Variants in PTPRD observed in about 807,000 individuals in gnomAD.
The protein encoded by PTPRD is protein tyrosine phosphatase receptor type D, also known as receptor-type tyrosine-protein phosphatase delta.
Under a neutral mutation model 214.5 loss-of-function variants are expected in PTPRD, and 34 were observed. That is an observed-to-expected ratio of 0.16 (90% confidence interval 0.12 to 0.21). The LOEUF is 0.21. Among genes scored for constraint, PTPRD ranks in the 10% least tolerant of loss-of-function variants. The probability of loss-of-function intolerance (pLI) is 1.00; values close to 1 mark genes in which losing one functional copy is unlikely to be tolerated. For missense variants in PTPRD, 2,545 were observed against 2,398.7 expected (o/e 1.06, Z -1.27); for synonymous variants, 1,128 against 845.7 (o/e 1.33, Z -5.79).
At chr9:9,471,444 T>G (rs1200159941) in intron 8 of PTPRD, among the ~76,000 whole-genome samples, 2 of 152,132 alleles carry the variant, frequency 1.3e-5, no homozygotes, top group Non-Finnish European at 2.9e-5. Flanking sequence ...AAATAATAAA[T>G]CAAATTGTTG....
intron 5 of PTPRD, among the ~76,000 whole-genome samples, chr9:9,882,616 A>C (rs186319020): frequency 1.5e-3 from 234 of 152,324 alleles, no homozygotes; most frequent in African/African-American, 5.5e-3. Context: ...AGAATTATCT[A>C]TAAGCCCACT....
chr9:8,744,362 G>C (rs1197085973), intron 11 of PTPRD, among the ~76,000 whole-genome samples: 1 of 152,130 alleles, frequency 6.6e-6, no homozygotes, highest in African/African-American at 2.4e-5. Flanking sequence ...GTATACAGCA[G>C]CACAATTTGC....
intron 8 of PTPRD, among the ~76,000 whole-genome samples, chr9:9,562,803 C>T (rs2154293658): frequency 6.6e-6 from 1 of 152,254 alleles, no homozygotes; most frequent in South Asian, 2.1e-4. Flanking sequence ...CTCCTATTTC[C>T]TTTCAACCTG....
chr9:8,577,119 C>G (rs946595191), intron 14 of PTPRD, among the ~76,000 whole-genome samples: 1 of 152,164 alleles, frequency 6.6e-6, no homozygotes. Flanking sequence ...TTTTTCCACT[C>G]TCCCCACCAT....
At chr9:8,636,585 A>G in intron 13 of PTPRD, 114 bp downstream of exon 13, 2 of 1,297,736 alleles carry the variant, frequency 1.5e-6, no homozygotes, top group Non-Finnish European at 2.1e-6. Context: ...CAATGTAAGG[A>G]ATACCATATA....
In PTPRD at chr9:10,271,540, TTTTCTTTTC is replaced by T. The variant is rs1470366183; in HGVS notation, c.-545+69414_-545+69422del. Among the ~76,000 whole-genome samples, 7 of 37,218 alleles carry T rather than the reference TTTTCTTTTC, an allele frequency of 1.9e-4. 1 individual carries two copies. Among genetic ancestry groups the T allele is most frequent in the Middle Eastern group, 0.014 (1 of 72 alleles). The allele number at this position is 37,218 out of a possible 152,430, so 24.4% of individuals were successfully genotyped here. A position where few individuals can be genotyped will look rare whatever the true frequency, so the allele number is the denominator to read the frequency against. On this transcript the variant is annotated intron_variant, in intron 3 of 45. Transcript: ENST00000381196. ...CTGATAAATTCAATTGTTTCTTTTC[TTTTCTTTTC>T]TTTTTTTTTTTGAGACGGAATCTTG...
At chr9:10,606,521 C>A (rs546770839) in intron 2 of PTPRD, among the ~76,000 whole-genome samples, 1 of 143,470 alleles carries the variant, frequency 7.0e-6, no homozygotes, top group South Asian at 2.3e-4. Flanking sequence ...TCCATTACTT[C>A]TTCTTTATTT....
At position 8,436,650 on chromosome 9, in the gene PTPRD, G is replaced by C. The variant is rs868210901; in HGVS notation, c.4028C>G (p.Ala1343Gly). 1 of 1,613,478 alleles carries C rather than the reference G, an allele frequency of 6.2e-7. No individual in the cohort carries two copies. The highest frequency in any genetic ancestry group is 1.7e-5 in the Admixed American group (1 of 60,020). Residue 1343 changes from alanine (A) to glycine (G), a missense_variant, in exon 35 of 46, where the codon GCA (alanine) becomes GGA (glycine). Transcript: ENST00000381196. ...SHPPIPILEL[A>G]DHIERLKAND... ...TGCTTTCAATCTTTCAATGTGGTCT[G>C]CAAGTTCCAAGATGGGTATTGGAGG...
chr9:8,673,536 A>C (rs937310108), intron 12 of PTPRD, among the ~76,000 whole-genome samples: 1 of 152,210 alleles, frequency 6.6e-6, no homozygotes, highest in Non-Finnish European at 1.5e-5. Context: ...AGCCTTCCAG[A>C]TAACAGACAG....
chr9:9,594,239 A>G lies in PTPRD; in HGVS notation c.-286-19458T>C, dbSNP rs562685119. On this transcript the variant is annotated intron_variant, in intron 7 of 45. Coordinates refer to ENST00000381196, the MANE Select transcript of PTPRD (RefSeq NM_002839.4). ...TATCTTTCCTAAGATACACATGCCA[A>G]TTCTATAGATGGGCTATATAATGGA... Among the ~76,000 whole-genome samples the G allele has an allele frequency of 4.6e-5, 7 of 152,180 alleles. No individual in the cohort carries two copies. The East Asian group carries it at 1.4e-3, about 30-fold the overall frequency.
chr9:9,009,305 G>A (rs557536628), intron 11 of PTPRD, among the ~76,000 whole-genome samples: 3 of 152,260 alleles, frequency 2.0e-5, no homozygotes, highest in Admixed American at 6.5e-5. Flanking sequence ...CTAAGTCATA[G>A]AAAGGCTAGA....
chr9:10,065,141 TAGAA>T (rs554379074), intron 3 of PTPRD, among the ~76,000 whole-genome samples: 4,579 of 106,810 alleles, frequency 0.043, 91 homozygotes, highest in East Asian at 0.088. Flanking sequence ...TGACTTGGAT[TAGAA>T]AGAAAGAAAG....
chr9:9,198,281 A>G, intron 9 of PTPRD, among the ~76,000 whole-genome samples: 1 of 152,172 alleles, frequency 6.6e-6, no homozygotes, highest in Admixed American at 6.5e-5. Context: ...GGTTGAAAAC[A>G]TACACCATAA....
At chr9:9,843,887 C>T (rs1308627516) in intron 5 of PTPRD, among the ~76,000 whole-genome samples, 2 of 151,912 alleles carry the variant, frequency 1.3e-5, no homozygotes, top group Non-Finnish European at 2.9e-5. Flanking sequence ...GTTATCTTAT[C>T]GAATAGACCA....
At position 9,928,136 on chromosome 9, in the gene PTPRD, C is replaced by A. The variant is rs117990354; in HGVS notation, c.-368+10371G>T. ...AAATATAATGTCAACCGTTAAAATT[C>A]AACTTTACTACAGTTGTTGGCAATA... On this transcript the variant is annotated intron_variant, in intron 5 of 45. Transcript: ENST00000381196. 5.6e-3 allele frequency among the ~76,000 whole-genome samples: 850 copies of A among 152,160 alleles called. 7 individuals carry two copies. Among genetic ancestry groups the A allele is most frequent in the Middle Eastern group, 0.017 (5 of 294 alleles).
At chr9:10,498,291 A>T (rs551029577) in intron 2 of PTPRD, among the ~76,000 whole-genome samples, 2 of 152,144 alleles carry the variant, frequency 1.3e-5, no homozygotes, top group African/African-American at 4.8e-5. Flanking sequence ...AGGTGAACAA[A>T]ACAATCAAGT....
intron 11 of PTPRD, among the ~76,000 whole-genome samples, chr9:8,842,493 G>C (rs1467124328): frequency 6.6e-6 from 1 of 152,116 alleles, no homozygotes; most frequent in African/African-American, 2.4e-5. Context: ...ACTACCTTTG[G>C]TTTGTATTTG....
At chr9:10,569,581 T>C (rs983408992) in intron 2 of PTPRD, among the ~76,000 whole-genome samples, 1 of 151,978 alleles carries the variant, frequency 6.6e-6, no homozygotes, top group African/African-American at 2.4e-5. Flanking sequence ...GTAGATACTA[T>C]ACAAATATAT....
intron 3 of PTPRD, among the ~76,000 whole-genome samples, chr9:10,037,495 G>A (rs1000415933): frequency 6.7e-6 from 1 of 150,174 alleles, no homozygotes; most frequent in South Asian, 2.1e-4. Flanking sequence ...CCCCAGCCAT[G>A]CTTTGGTATA....
Sources: gnomAD v4.1 joint callset for allele counts (sites outside exome capture counted in the v4.1 genomes callset) on GRCh38, gnomAD v4.1.1 for gene constraint, MANE v1.5 for transcripts, NCBI Gene and HGNC (gene_info 2026-07-23, HGNC 2026-07-21) for gene names.